Variants in MEF2A observed in about 807,000 individuals in gnomAD.
The protein encoded by MEF2A is myocyte enhancer factor 2A.
Under a neutral mutation model 55.8 loss-of-function variants are expected in MEF2A, and 28 were observed. That is an observed-to-expected ratio of 0.50 (90% confidence interval 0.37 to 0.69). MEF2A has a LOEUF of 0.69. Among genes scored for constraint, MEF2A ranks in the 30% least tolerant of loss-of-function variants. The pLI is 0.00. For missense variants in MEF2A, 528 were observed against 626.2 expected (o/e 0.84, Z 1.67); for synonymous variants, 239 against 227.1 (o/e 1.05, Z -0.47).
At chr15:99,685,103 T>C (rs1229911350) in intron 7 of MEF2A, among the ~76,000 whole-genome samples, 2 of 152,182 alleles carry the variant, frequency 1.3e-5, no homozygotes, top group Admixed American at 1.3e-4. Context: ...AGTCTTGTAG[T>C]ATAGTTTGAA....
rs567985352 is a variant in MEF2A at position 99,644,293 on chromosome 15, G to A, written c.55-1268G>A. On this transcript the variant is annotated intron_variant, in intron 3 of 11. Coordinates refer to ENST00000557942, the MANE Select transcript of MEF2A (RefSeq NM_001319206.4). ...AACAGATACTCTGCTTAAATTTAGT[G>A]AAAACCATTGAACTACTATACCACT... Among the ~76,000 whole-genome samples the A allele has an allele frequency of 5.3e-5, 8 of 152,306 alleles. No individual in the cohort carries two copies. The East Asian group carries it at 1.2e-3, about 22-fold the overall frequency.
intron 4 of MEF2A, among the ~76,000 whole-genome samples, chr15:99,656,380 G>C (rs1040805517): frequency 6.6e-6 from 1 of 152,012 alleles, no homozygotes; most frequent in Non-Finnish European, 1.5e-5. Flanking sequence ...CTCATAAACC[G>C]CAAAACCTAT....
intron 4 of MEF2A, among the ~76,000 whole-genome samples, chr15:99,654,822 T>G (rs2047440605): frequency 6.6e-6 from 1 of 152,210 alleles, no homozygotes; most frequent in Non-Finnish European, 1.5e-5. Context: ...ATAGTAGCCA[T>G]TAACTATGTG....
In MEF2A at chr15:99,715,864, ACTCCATCTTTTGAG is replaced by A. The variant is rs2059100893; in HGVS notation, c.*3095_*3108del. Reference sequence around the variant, plus strand: ...GTGTACACAGGTGGTCCCAATCAAAACTCCATCTTTTGAGCCCAATTATGTCCATTTTGTTATAG... The same window carrying A: ...GTGTACACAGGTGGTCCCAATCAAAACCCAATTATGTCCATTTTGTTATAG... On this transcript the variant is annotated 3_prime_UTR_variant, in exon 12 of 12. Transcript: ENST00000557942. 6.6e-6 allele frequency: 1 copy of A among 152,148 alleles called. No individual in the cohort carries two copies. Among genetic ancestry groups the A allele is most frequent in the Non-Finnish European group, 1.5e-5 (1 of 68,106 alleles). 9.4% of individuals were successfully genotyped at this position (152,148 alleles called of 1,614,324 possible).
chr15:99,573,281 C>T (rs190459766), intron 1 of MEF2A, among the ~76,000 whole-genome samples: 67 of 117,404 alleles, frequency 5.7e-4, no homozygotes, highest in African/African-American at 1.8e-3. Context: ...AGCGAGACTC[C>T]GTCTCAAAAA....
chr15:99,657,804 C>T (rs193292247), intron 4 of MEF2A, among the ~76,000 whole-genome samples: 2 of 152,006 alleles, frequency 1.3e-5, no homozygotes, highest in Non-Finnish European at 1.5e-5. Context: ...TTATTTAGTA[C>T]TGAGCAGATA....
intron 3 of MEF2A, among the ~76,000 whole-genome samples, chr15:99,642,598 C>T (rs1282934994): frequency 3.9e-5 from 6 of 152,090 alleles, no homozygotes; most frequent in African/African-American, 1.2e-4. Context: ...TTATCTCTGA[C>T]AGTTTTTGGC....
intron 2 of MEF2A, among the ~76,000 whole-genome samples, chr15:99,622,313 C>T (rs1335034318): frequency 6.6e-6 from 1 of 151,982 alleles, no homozygotes; most frequent in East Asian, 1.9e-4. Flanking sequence ...TCTTTTTTCC[C>T]TCCTAGGAAA....
At chr15:99,623,086 C>A (rs1377146821) in intron 2 of MEF2A, among the ~76,000 whole-genome samples, 4 of 152,196 alleles carry the variant, frequency 2.6e-5, no homozygotes, top group African/African-American at 9.7e-5. Flanking sequence ...CCCCTAGCAA[C>A]TAACTACCAT....
intron 4 of MEF2A, among the ~76,000 whole-genome samples, chr15:99,660,347 C>G (rs1360649644): frequency 2.0e-5 from 3 of 152,152 alleles, no homozygotes; most frequent in Admixed American, 2.0e-4. Flanking sequence ...GGGCACAAAA[C>G]TAGACTCTGT....
At chr15:99,595,675 T>G (rs1195885832) in intron 1 of MEF2A, among the ~76,000 whole-genome samples, 8 of 152,260 alleles carry the variant, frequency 5.3e-5, no homozygotes, top group Non-Finnish European at 1.2e-4. Context: ...AGACTCATAC[T>G]TGTACAACTA....
At chr15:99,660,983 A>G (rs2048524265) in intron 4 of MEF2A, among the ~76,000 whole-genome samples, 2 of 152,220 alleles carry the variant, frequency 1.3e-5, no homozygotes, top group Admixed American at 1.3e-4. Flanking sequence ...GCACTGCAAT[A>G]TATTGAGACT....
Position 99,593,986 on chromosome 15 carries a change from C to T in MEF2A, c.-224-4444C>T, listed in dbSNP as rs140053702. On this transcript the variant is annotated intron_variant, in intron 1 of 11. Transcript: ENST00000557942. ...CACTCACCACAGGATACGTTGCCTT[C>T]GGTCACCAAAACGTGTGTGAGGGTT... 5.5e-3 allele frequency among the ~76,000 whole-genome samples: 839 copies of T among 152,170 alleles called. 2 individuals are homozygous for T. The highest frequency in any genetic ancestry group is 9.1e-3 in the Non-Finnish European group (618 of 68,002).
chr15:99,641,907 G>C (rs2045052286), intron 3 of MEF2A, among the ~76,000 whole-genome samples: 2 of 152,092 alleles, frequency 1.3e-5, no homozygotes, highest in African/African-American at 4.8e-5. Context: ...CAGTAGCTTT[G>C]TTTTAGAAGC....
At chr15:99,710,575 A>G in intron 10 of MEF2A, 59 bp from the exon 11 acceptor site, 27 of 1,573,064 alleles carry the variant, frequency 1.7e-5, no homozygotes, top group Non-Finnish European at 2.4e-5. Flanking sequence ...AGCTACGTAA[A>G]AAATAGATTC....
At chr15:99,668,823 A>G (rs1008658064) in intron 4 of MEF2A, among the ~76,000 whole-genome samples, 1 of 152,174 alleles carries the variant, frequency 6.6e-6, no homozygotes, top group Non-Finnish European at 1.5e-5. Flanking sequence ...CTGTTGTGCT[A>G]TTTGGTAATG....
At position 99,575,673 on chromosome 15, in the gene MEF2A, G is replaced by A. The variant is rs150521961; in HGVS notation, c.-225+9569G>A. On this transcript the variant is annotated intron_variant, in intron 1 of 11. Transcript: ENST00000557942. ...AGACTGAAAATTTCCTCCTCCAAACGCTTACAGAATGGTTTTAGCATTCAT... is the reference window on the plus strand; with the variant it reads ...AGACTGAAAATTTCCTCCTCCAAACACTTACAGAATGGTTTTAGCATTCAT... Among the ~76,000 whole-genome samples the A allele has an allele frequency of 3.1e-3, 466 of 152,244 alleles. 3 individuals are homozygous for A. Among genetic ancestry groups the A allele is most frequent in the African/African-American group, 0.01 (430 of 41,536 alleles).
intron 1 of MEF2A, among the ~76,000 whole-genome samples, chr15:99,592,464 CT>C (rs1321629816): frequency 6.6e-6 from 1 of 152,102 alleles, no homozygotes; most frequent in East Asian, 1.9e-4. Context: ...TTTAAATGTG[CT>C]GTATGTGCAA....
intron 3 of MEF2A, among the ~76,000 whole-genome samples, chr15:99,639,751 C>CTTTTCTA (rs1030237076): frequency 1.3e-5 from 2 of 152,080 alleles, no homozygotes; most frequent in African/African-American, 4.8e-5. Flanking sequence ...GTCTGCCTTT[C>CTTTTCTA]TTTTCTATTT....
Sources: allele counts gnomAD v4.1 joint callset (sites outside exome capture counted in the v4.1 genomes callset), GRCh38; gene constraint gnomAD v4.1.1; transcripts MANE v1.5; gene names NCBI Gene and HGNC (gene_info 2026-07-23, HGNC 2026-07-21).